The following ANO6 variants were observed in gnomAD, a reference collection of about 807,000 sequenced individuals.
ANO6 encodes the protein anoctamin 6.
A neutral mutation model predicts 117.5 loss-of-function variants in ANO6; 106 were observed. That is an observed-to-expected ratio of 0.90 (90% CI 0.77 to 1.06). The LOEUF is 1.06. Ranked by LOEUF, ANO6 falls within the 50% of genes least tolerant of loss-of-function variation. The pLI is 0.00. For synonymous variants in ANO6, 367 were observed against 385.1 expected, an observed-to-expected ratio of 0.95 and a Z score of 0.55; for missense variants, 955 against 1,121.1, an observed-to-expected ratio of 0.85 and a Z score of 2.12.
At chr12:45,235,028 C>T (rs1329816910) in intron 1 of ANO6, among the ~76,000 whole-genome samples, 1 of 152,162 alleles carries the variant, frequency 6.6e-6, no homozygotes, top group Non-Finnish European at 1.5e-5. Flanking sequence ...TGTCCTTTTC[C>T]TCCTCAGTTG....
In ANO6 at chr12:45,350,782, G is replaced by A. The variant is rs759905360; in HGVS notation, c.863+8G>A. 3 of 1,607,064 alleles carry A rather than the reference G, an allele frequency of 1.9e-6. No individual in the cohort carries two copies. Among genetic ancestry groups the A allele is most frequent in the South Asian group, 1.1e-5 (1 of 90,658 alleles). ...GCCCTTGGATCTTATCAGGTGAGGGGTTGTAGGGAGTACTCCAGGGGGAGG... is the reference window on the plus strand; with the variant it reads ...GCCCTTGGATCTTATCAGGTGAGGGATTGTAGGGAGTACTCCAGGGGGAGG... On this transcript the variant is annotated splice_region_variant and intron_variant, in intron 7 of 19. Transcript: ENST00000320560.
intron 8 of ANO6, among the ~76,000 whole-genome samples, chr12:45,362,894 T>C (rs1329865882): frequency 6.6e-6 from 1 of 152,206 alleles, no homozygotes; most frequent in African/African-American, 2.4e-5. Flanking sequence ...AGTTTCATAA[T>C]TGTTGCTTTG....
At position 45,248,257 on chromosome 12, in the gene ANO6, A is replaced by T. The variant is rs146685607; in HGVS notation, c.70+31866A>T. 1.7e-3 allele frequency among the ~76,000 whole-genome samples: 256 copies of T among 152,210 alleles called. 1 individual carries two copies. The highest frequency in any genetic ancestry group is 5.7e-3 in the African/African-American group (238 of 41,508). On this transcript the variant is annotated intron_variant, in intron 1 of 19. Transcript: ENST00000320560. ...TTGATTCTTACAAGAGTCATATAAA[A>T]CCACCCATTTTATGGATAAGGAAAC... is the stretch of plus-strand genomic sequence containing the variant.
At position 45,388,153 on chromosome 12, in the gene ANO6, T is replaced by C; in HGVS notation, c.1166-8T>C. The C allele has an allele frequency of 6.2e-7, 1 of 1,613,834 alleles. No homozygotes were observed. The highest frequency in any genetic ancestry group is 1.1e-5 in the South Asian group (1 of 91,068). On this transcript the variant is annotated splice_region_variant and splice_polypyrimidine_tract_variant and intron_variant, in intron 10 of 19. Coordinates refer to ENST00000320560, the MANE Select transcript of ANO6 (RefSeq NM_001025356.3). ...AAATCCACACAAGCTCTTCTGTCTC[T>C]CTGTTAGTTACCTTGTTTTTGGAGT... is the stretch of plus-strand genomic sequence containing the variant.
At chr12:45,421,313 T>G (rs1943359299) in intron 18 of ANO6, 40 bp downstream of exon 18, 1 of 1,584,196 alleles carries the variant, frequency 6.3e-7, no homozygotes. Flanking sequence ...CACTTCATCT[T>G]TAAAAGGGTT....
At chr12:45,409,547 A>G (rs1014699526) in intron 16 of ANO6, 60 bp downstream of exon 16, 6 of 1,561,654 alleles carry the variant, frequency 3.8e-6, no homozygotes, top group Middle Eastern at 1.7e-4. Flanking sequence ...TGTGGATACC[A>G]AAAGCATCTG....
At chr12:45,288,081 G>C (rs976052422) in intron 1 of ANO6, among the ~76,000 whole-genome samples, 2 of 152,142 alleles carry the variant, frequency 1.3e-5, no homozygotes, top group Non-Finnish European at 2.9e-5. Context: ...CCTCAGAAGA[G>C]CTCTCCCTAA....
At position 45,401,884 on chromosome 12, in the gene ANO6, T is replaced by C. The variant is rs1233575473; in HGVS notation, c.1476T>C (p.Ile492=). Residue 492 remains isoleucine (I), a synonymous_variant, in exon 13 of 20, where the codon ATT becomes ATC. Coordinates refer to ENST00000320560, the MANE Select transcript of ANO6 (RefSeq NM_001025356.3). ...TTTCTGCAAAACTTCCCAAGAACAT[T>C]AATGGAACAGACCCAATCCAGAAAT... is the stretch of plus-strand genomic sequence containing the variant. ...IVFSAKLPKN[I]NGTDPIQKYL... is the part of the protein sequence containing the mutation. The C allele has an allele frequency of 6.2e-7, 1 of 1,613,968 alleles. No individual in the cohort carries two copies. The highest frequency in any genetic ancestry group is 8.5e-7 in the Non-Finnish European group (1 of 1,179,996).
intron 7 of ANO6, among the ~76,000 whole-genome samples, chr12:45,352,082 G>A (rs888391395): frequency 5.3e-5 from 8 of 152,014 alleles, no homozygotes; most frequent in Non-Finnish European, 7.4e-5. Flanking sequence ...CTGGAGCCAC[G>A]TACCTGTTTT....
chr12:45,363,767 C>T (rs1448191504), intron 8 of ANO6, among the ~76,000 whole-genome samples: 1 of 152,120 alleles, frequency 6.6e-6, no homozygotes, highest in African/African-American at 2.4e-5. Context: ...ATAAGTCTCA[C>T]AAGATCTGAT....
chr12:45,374,133 C>G lies in ANO6; in HGVS notation c.1105-3920C>G, dbSNP rs1437624620. ...ATGGATAAATTCCTCGACACATACACTCTCCCAAGACTAAACCAGGAAGAA... is the reference window on the plus strand; with the variant it reads ...ATGGATAAATTCCTCGACACATACAGTCTCCCAAGACTAAACCAGGAAGAA... On this transcript the variant is annotated intron_variant, in intron 9 of 19. Coordinates refer to ENST00000320560, the MANE Select transcript of ANO6 (RefSeq NM_001025356.3). 2.7e-5 allele frequency among the ~76,000 whole-genome samples: 4 copies of G among 145,572 alleles called. No individual in the cohort carries two copies. In the East Asian group the frequency reaches 8.1e-4, roughly 30 times the overall value.
rs763997922 is a variant in ANO6 at position 45,367,692 on chromosome 12, G to A, written c.1003G>A (p.Glu335Lys). Residue 335 changes from glutamate to lysine, a missense_variant, in exon 9 of 20, where the codon GAA (glutamate) becomes AAA (lysine). Transcript: ENST00000320560. ...GTTTTATTTCTCTCTTTTTAGCAAA[G>A]AAGTTTGTCATCCTGATATTGGTGG... ...LNQDNCTWSK[E>K]VCHPDIGGKI... 11 of 1,612,006 alleles carry A rather than the reference G, an allele frequency of 6.8e-6. No individual in the cohort carries two copies. The highest frequency in any genetic ancestry group is 7.6e-6 in the Non-Finnish European group (9 of 1,179,064).
intron 1 of ANO6, among the ~76,000 whole-genome samples, chr12:45,265,960 A>G (rs899158099): frequency 2.6e-5 from 4 of 152,184 alleles, no homozygotes; most frequent in Admixed American, 1.3e-4. Context: ...CTTCAGAACA[A>G]TATACTCAAG....
intron 1 of ANO6, among the ~76,000 whole-genome samples, chr12:45,272,437 T>G (rs774342434): frequency 6.6e-6 from 1 of 152,208 alleles, no homozygotes; most frequent in Non-Finnish European, 1.5e-5. Flanking sequence ...TGACCAGATT[T>G]TTACATTTAC....
intron 10 of ANO6, among the ~76,000 whole-genome samples, chr12:45,384,983 G>T (rs1942259787): frequency 6.6e-6 from 1 of 152,212 alleles, no homozygotes; most frequent in South Asian, 2.1e-4. Context: ...GGGTGGTTAT[G>T]TGTAGAGGTG....
chr12:45,393,825 T>C (rs1443237111), intron 12 of ANO6, among the ~76,000 whole-genome samples: 1 of 152,194 alleles, frequency 6.6e-6, no homozygotes, highest in Admixed American at 6.5e-5. Context: ...AGGCCTGCCT[T>C]ACAAGAGCTC....
intron 10 of ANO6, among the ~76,000 whole-genome samples, chr12:45,380,256 AAC>A (rs1275133486): frequency 6.6e-6 from 1 of 152,234 alleles, no homozygotes; most frequent in Non-Finnish European, 1.5e-5. Context: ...AAAGGTTCTA[AAC>A]ACATCCTGCC....
chr12:45,364,858 T>A (rs1245809629), intron 8 of ANO6, among the ~76,000 whole-genome samples: 4 of 152,270 alleles, frequency 2.6e-5, no homozygotes, highest in Non-Finnish European at 5.9e-5. Flanking sequence ...CTTGTAATTT[T>A]ACATTGAGAA....
chr12:45,357,373 G>C lies in ANO6; in HGVS notation c.947G>C (p.Gly316Ala). 6.2e-7 allele frequency: 1 copy of C among 1,613,992 alleles called. No individual in the cohort carries two copies. Among genetic ancestry groups the C allele is most frequent in the Non-Finnish European group, 8.5e-7 (1 of 1,179,996 alleles). ...ATGCTTCTCCTGGCCGCAGTTGTAG[G>C]AGTGGCTTGCTTTCTCTATGGATAT... ...TQMLLLAAVV[G>A]VACFLYGYLN... Residue 316 changes from glycine (G) to alanine (A), a missense_variant, in exon 8 of 20, where the codon GGA (glycine) becomes GCA (alanine). By Grantham distance (60) the Gly-to-Ala change is moderately conservative. Transcript: ENST00000320560.
Sources: allele counts gnomAD v4.1 joint callset (sites outside exome capture counted in the v4.1 genomes callset), GRCh38; gene constraint gnomAD v4.1.1; transcripts MANE v1.5; gene names NCBI Gene and HGNC (gene_info 2026-07-23, HGNC 2026-07-21).